Variants in PKP4 observed in about 807,000 individuals in gnomAD.
The protein encoded by PKP4 is plakophilin 4.
Under a neutral mutation model 145.1 loss-of-function variants are expected in PKP4, and 90 were observed. The ratio of observed to expected loss-of-function variants is 0.62; its 90% CI spans 0.52 to 0.74. PKP4 has a LOEUF of 0.74. Among genes scored for constraint, PKP4 ranks in the 30% least tolerant of loss-of-function variants. The pLI is 0.00. For missense variants in PKP4, 1,340 were observed against 1,482.7 expected (o/e 0.90, Z 1.58); for synonymous variants, 563 against 577.2 (o/e 0.98, Z 0.35).
chr2:158,531,710 A>G (rs1043847390), intron 1 of PKP4, among the ~76,000 whole-genome samples: 2 of 152,192 alleles, frequency 1.3e-5, no homozygotes, highest in African/African-American at 2.4e-5. Context: ...AACTCCCCCC[A>G]GGGCACTTAG....
intron 20 of PKP4, among the ~76,000 whole-genome samples, chr2:158,677,511 C>T (rs1165836985): frequency 5.3e-5 from 8 of 152,158 alleles, no homozygotes; most frequent in Non-Finnish European, 8.8e-5. Context: ...CATTCTCAAC[C>T]GTCTGGCGAT....
chr2:158,666,556 G>A lies in PKP4; in HGVS notation c.2721G>A (p.Glu907=). Residue 907 remains glutamate, a synonymous_variant, in exon 16 of 22, where the codon GAG becomes GAA. Coordinates refer to ENST00000389759, the MANE Select transcript of PKP4 (RefSeq NM_003628.6). ...RNMALDVRNK[E]LIGKYAMRDL... ...TGGCACTAGATGTTCGCAACAAGGA[G>A]CTCATAGGTATGTTCTGGTGACAAG... 1 of 1,609,492 alleles carries A rather than the reference G, an allele frequency of 6.2e-7. No homozygotes were observed.
At chr2:158,474,604 G>A (rs1007193144) in intron 1 of PKP4, among the ~76,000 whole-genome samples, 6 of 152,152 alleles carry the variant, frequency 3.9e-5, no homozygotes, top group Non-Finnish European at 8.8e-5. Context: ...AAAATTTACT[G>A]CCTGTTTCCC....
intron 2 of PKP4, among the ~76,000 whole-genome samples, chr2:158,556,802 G>A (rs1024714839): frequency 2.6e-5 from 4 of 152,140 alleles, no homozygotes; most frequent in African/African-American, 4.8e-5. Context: ...GTCAAAGAAA[G>A]GCTTATGAGT....
intron 2 of PKP4, among the ~76,000 whole-genome samples, chr2:158,552,257 G>A (rs929364114): frequency 5.3e-5 from 8 of 152,178 alleles, no homozygotes; most frequent in South Asian, 2.1e-4. Context: ...GAATGAGTAC[G>A]TCCCAGCTTA....
intron 21 of PKP4, 56 bp from the exon 22 acceptor site, chr2:158,680,371 AAC>A: frequency 1.5e-6 from 2 of 1,314,492 alleles, no homozygotes; most frequent in South Asian, 1.4e-5. Context: ...TAATTTTCCT[AAC>A]ACATGTATTT....
chr2:158,605,088 A>G (rs2050543966), intron 4 of PKP4, among the ~76,000 whole-genome samples: 1 of 152,208 alleles, frequency 6.6e-6, no homozygotes, highest in Non-Finnish European at 1.5e-5. Flanking sequence ...AGTGGGAGCC[A>G]TGTCTGCTCT....
chr2:158,670,198 T>G (rs2057436964), intron 17 of PKP4, among the ~76,000 whole-genome samples: 1 of 152,240 alleles, frequency 6.6e-6, no homozygotes, highest in Non-Finnish European at 1.5e-5. Flanking sequence ...CAAAATGTTG[T>G]GAACTGGGTG....
chr2:158,467,549 C>CAAAA lies in PKP4; in HGVS notation c.-6+10343_-6+10346dup, dbSNP rs70994208. 3.3e-4 allele frequency among the ~76,000 whole-genome samples: 42 copies of CAAAA among 127,808 alleles called. 1 individual carries two copies. Among genetic ancestry groups the CAAAA allele is most frequent in the African/African-American group, 9.3e-4 (31 of 33,324 alleles). The allele number at this position is 127,808 out of a possible 152,430, so 83.8% of individuals were successfully genotyped here. ...CCTGGGTGAGAGAGTGAGACCTTGT[C>CAAAA]AAAAAAAAAAAAAAATGTGGGCACG... On this transcript the variant is annotated intron_variant, in intron 1 of 21. Transcript: ENST00000389759.
intron 1 of PKP4, among the ~76,000 whole-genome samples, chr2:158,479,086 T>C (rs557795991): frequency 6.6e-6 from 1 of 152,324 alleles, no homozygotes; most frequent in African/African-American, 2.4e-5. Context: ...AGGAGGTTTC[T>C]ATTCTTTTTA....
At chr2:158,464,831 T>C (rs1690337803) in intron 1 of PKP4, among the ~76,000 whole-genome samples, 1 of 152,244 alleles carries the variant, frequency 6.6e-6, no homozygotes, top group Non-Finnish European at 1.5e-5. Flanking sequence ...TGTATACCAC[T>C]AGGGGTGCAA....
At chr2:158,484,710 A>G (rs1326707422) in intron 1 of PKP4, among the ~76,000 whole-genome samples, 1 of 152,210 alleles carries the variant, frequency 6.6e-6, no homozygotes, top group Non-Finnish European at 1.5e-5. Context: ...AGTTGCAGTA[A>G]GTGGATTATC....
chr2:158,513,946 G>A (rs888369115), intron 1 of PKP4, among the ~76,000 whole-genome samples: 23 of 152,008 alleles, frequency 1.5e-4, no homozygotes, highest in African/African-American at 4.6e-4. Context: ...CTTCCCTGAC[G>A]ACCCCGCTCT....
chr2:158,490,393 A>G (rs1489664386), intron 1 of PKP4, among the ~76,000 whole-genome samples: 1 of 143,422 alleles, frequency 7.0e-6, no homozygotes, highest in Non-Finnish European at 1.6e-5. Context: ...GATATTTACA[A>G]GAAAAAAAAT....
intron 19 of PKP4, among the ~76,000 whole-genome samples, chr2:158,674,320 C>A (rs1159128812): frequency 1.3e-5 from 2 of 152,200 alleles, no homozygotes; most frequent in Non-Finnish European, 2.9e-5. Context: ...AGTGGAGGGC[C>A]ACACTTCGAG....
chr2:158,533,941 C>T (rs1479308548), intron 2 of PKP4, among the ~76,000 whole-genome samples: 1 of 151,838 alleles, frequency 6.6e-6, no homozygotes, highest in Non-Finnish European at 1.5e-5. Flanking sequence ...TGGAATTCTG[C>T]AATTTTAATT....
chr2:158,555,320 A>G (rs1410221549), intron 2 of PKP4, among the ~76,000 whole-genome samples: 4 of 152,196 alleles, frequency 2.6e-5, no homozygotes, highest in East Asian at 1.9e-4. Flanking sequence ...GGCTTTAGGG[A>G]CACCACCTTT....
intron 7 of PKP4, among the ~76,000 whole-genome samples, chr2:158,627,659 A>ATATATATATATG (rs2052935610): frequency 1.3e-5 from 2 of 150,950 alleles, no homozygotes; most frequent in Non-Finnish European, 3.0e-5. Context: ...AAATATATAT[A>ATATATATATATG]TATATACTCT....
chr2:158,680,810 T>C lies in PKP4; in HGVS notation c.*133T>C. 1 of 869,782 alleles carries C rather than the reference T, an allele frequency of 1.1e-6. No homozygotes were observed. Among genetic ancestry groups the C allele is most frequent in the Non-Finnish European group, 1.8e-6 (1 of 567,534 alleles). The allele number at this position is 869,782 out of a possible 1,614,324, so 53.9% of individuals were successfully genotyped here. A position where few individuals can be genotyped will look rare whatever the true frequency, so the allele number is the denominator to read the frequency against. On this transcript the variant is annotated 3_prime_UTR_variant, in exon 22 of 22. Transcript: ENST00000389759. ...GAATGAATGAAGTGTGTTTTTTTTT[T>C]CTTTTTTGAGGAATTATCAGGGAAG...
Sources: gnomAD v4.1 joint callset for allele counts (sites outside exome capture counted in the v4.1 genomes callset) on GRCh38, gnomAD v4.1.1 for gene constraint, MANE v1.5 for transcripts, NCBI Gene and HGNC (gene_info 2026-07-23, HGNC 2026-07-21) for gene names.